Variants in CLSTN2 observed in about 807,000 individuals in gnomAD.
The protein encoded by CLSTN2 is calsyntenin 2, also known as calsyntenin-2.
Under a neutral mutation model 101.2 loss-of-function variants are expected in CLSTN2, and 48 were observed. The observed-to-expected ratio is 0.47, with a 90% confidence interval of 0.38 to 0.60. CLSTN2 has a LOEUF of 0.60. Among genes scored for constraint, CLSTN2 ranks in the 20% least tolerant of loss-of-function variants. The pLI is 0.00. For synonymous variants in CLSTN2, 481 were observed against 463.6 expected, an observed-to-expected ratio of 1.04 and a Z score of -0.48; for missense variants, 1,160 against 1,238.2, an observed-to-expected ratio of 0.94 and a Z score of 0.95.
At chr3:140,180,059 A>AAT (rs2010385227) in intron 2 of CLSTN2, among the ~76,000 whole-genome samples, 1 of 152,218 alleles carries the variant, frequency 6.6e-6, no homozygotes, top group South Asian at 2.1e-4. Flanking sequence ...TCTGTAAAAG[A>AAT]ATATAAGCTT....
At chr3:140,025,591 A>T (rs1576400985) in intron 1 of CLSTN2, among the ~76,000 whole-genome samples, 1 of 152,168 alleles carries the variant, frequency 6.6e-6, no homozygotes, top group East Asian at 1.9e-4. Flanking sequence ...TTGACAGATG[A>T]TGAGGAGGGA....
chr3:140,135,111 CACACACATATATATATATATATATAT>C (rs1411395870), intron 1 of CLSTN2, among the ~76,000 whole-genome samples: 1 of 52,112 alleles, frequency 1.9e-5, no homozygotes, highest in Admixed American at 1.9e-4. Context: ...CACACACACA[CACACACATATATATATATATATATAT>C]ATATATATAT....
At chr3:140,123,186 C>A (rs879391779) in intron 1 of CLSTN2, among the ~76,000 whole-genome samples, 3 of 139,380 alleles carry the variant, frequency 2.2e-5, no homozygotes, top group African/African-American at 5.4e-5. Flanking sequence ...GGGGGCGGGA[C>A]ATGAATGTGG....
At chr3:140,320,617 G>GC (rs1223519963) in intron 2 of CLSTN2, among the ~76,000 whole-genome samples, 3 of 147,946 alleles carry the variant, frequency 2.0e-5, no homozygotes, top group African/African-American at 7.7e-5. Flanking sequence ...TTTGCGGGGG[G>GC]GGGCAGGGGT....
intron 1 of CLSTN2, among the ~76,000 whole-genome samples, chr3:140,054,817 A>T (rs72981896): frequency 6.6e-6 from 1 of 152,152 alleles, no homozygotes; most frequent in Non-Finnish European, 1.5e-5. Context: ...AGGAGAAGGG[A>T]GTTTGGGAGA....
chr3:140,486,318 G>A (rs1454131305), intron 8 of CLSTN2, among the ~76,000 whole-genome samples: 1 of 152,162 alleles, frequency 6.6e-6, no homozygotes. Context: ...AAATATAAAA[G>A]ACTGTCCTTC....
chr3:140,038,616 G>C (rs962598581), intron 1 of CLSTN2, among the ~76,000 whole-genome samples: 2 of 151,852 alleles, frequency 1.3e-5, no homozygotes, highest in African/African-American at 4.8e-5. Context: ...AAATTTTTGA[G>C]ATAAGGCTTC....
At position 140,080,263 on chromosome 3, in the gene CLSTN2, A is replaced by G. The variant is rs545392513; in HGVS notation, c.110-95688A>G. Among the ~76,000 whole-genome samples, 12 of 152,268 alleles carry G rather than the reference A, an allele frequency of 7.9e-5. No individual in the cohort carries two copies. The South Asian group carries it at 2.5e-3, about 32-fold the overall frequency. On this transcript the variant is annotated intron_variant, in intron 1 of 16. Transcript: ENST00000458420. Reference sequence around the variant, plus strand: ...TGGGCCTCCCTCCATCAGCCCACATAACTCATTGCAGTGTGCTTATCTGTT... The same window carrying G: ...TGGGCCTCCCTCCATCAGCCCACATGACTCATTGCAGTGTGCTTATCTGTT...
intron 1 of CLSTN2, among the ~76,000 whole-genome samples, chr3:140,044,879 C>A (rs2007838269): frequency 6.6e-6 from 1 of 152,170 alleles, no homozygotes; most frequent in African/African-American, 2.4e-5. Flanking sequence ...AGGGATGAAG[C>A]CCACTTGATC....
At chr3:140,526,844 T>C (rs1308156787) in intron 8 of CLSTN2, among the ~76,000 whole-genome samples, 5 of 152,010 alleles carry the variant, frequency 3.3e-5, no homozygotes, top group Non-Finnish European at 5.9e-5. Context: ...ATAAGGACAC[T>C]CTATTCAATG....
intron 2 of CLSTN2, among the ~76,000 whole-genome samples, chr3:140,206,567 G>A (rs916967340): frequency 6.6e-6 from 1 of 152,136 alleles, no homozygotes; most frequent in African/African-American, 2.4e-5. Context: ...CCAAACACTG[G>A]GCTCTTATCT....
rs150345060 is a variant in CLSTN2 at position 140,072,912 on chromosome 3, ATTGT to A, written c.110-103035_110-103032del. Among the ~76,000 whole-genome samples, 147 of 152,330 alleles carry A rather than the reference ATTGT, an allele frequency of 9.7e-4. 1 individual carries two copies. Among genetic ancestry groups the A allele is most frequent in the African/African-American group, 3.4e-3 (142 of 41,584 alleles). ...TACCAAGGCACAGACTGCTACGGAG[ATTGT>A]TTGAGTTCCGCTTCTTGCTTATTCT... On this transcript the variant is annotated intron_variant, in intron 1 of 16. Transcript: ENST00000458420.
At chr3:140,385,447 T>A (rs12494858) in intron 2 of CLSTN2, among the ~76,000 whole-genome samples, 1 of 147,212 alleles carries the variant, frequency 6.8e-6, no homozygotes, top group Non-Finnish European at 1.5e-5. Flanking sequence ...CGACTCGCTG[T>A]AAACTCCTCC....
intron 1 of CLSTN2, among the ~76,000 whole-genome samples, chr3:140,132,108 A>G (rs1001333815): frequency 3.3e-5 from 5 of 152,220 alleles, no homozygotes; most frequent in African/African-American, 9.6e-5. Flanking sequence ...CACATGGAGA[A>G]CTGCAATTAT....
chr3:140,117,018 G>A (rs1415634883), intron 1 of CLSTN2, among the ~76,000 whole-genome samples: 1 of 152,120 alleles, frequency 6.6e-6, no homozygotes, highest in Non-Finnish European at 1.5e-5. Context: ...CCTTTCCCCT[G>A]CTCTGCTGTT....
Position 140,566,273 on chromosome 3 carries a change from T to G in CLSTN2, c.*20T>G, listed in dbSNP as rs4683510. 9.0e-6 allele frequency: 14 copies of G among 1,551,378 alleles called. No homozygotes were observed. Among genetic ancestry groups the G allele is most frequent in the Non-Finnish European group, 1.2e-5 (14 of 1,147,596 alleles). The stretch of plus-strand genomic sequence containing the variant: ...TACTAGTGCCCAGGGGTCTGCTGCC[T>G]GGCCCACATGTCCCTTTTGTAAACC... On this transcript the variant is annotated 3_prime_UTR_variant, in exon 17 of 17. Transcript: ENST00000458420.
chr3:140,032,811 C>T (rs921732919), intron 1 of CLSTN2, among the ~76,000 whole-genome samples: 9 of 152,198 alleles, frequency 5.9e-5, no homozygotes, highest in South Asian at 2.1e-4. Flanking sequence ...TCTCATGTCC[C>T]TCAAGTTCTC....
chr3:140,090,503 C>T (rs1014085981), intron 1 of CLSTN2, among the ~76,000 whole-genome samples: 7 of 151,998 alleles, frequency 4.6e-5, no homozygotes, highest in Admixed American at 3.9e-4. Flanking sequence ...AACAAAGGTA[C>T]TATCAATAAT....
At chr3:140,258,869 T>A (rs577456677) in intron 2 of CLSTN2, among the ~76,000 whole-genome samples, 28 of 152,280 alleles carry the variant, frequency 1.8e-4, no homozygotes, top group Non-Finnish European at 2.4e-4. Flanking sequence ...TGTGGAATTA[T>A]CTTTATTTTC....
Sources: gnomAD v4.1 joint callset for allele counts (sites outside exome capture counted in the v4.1 genomes callset) on GRCh38, gnomAD v4.1.1 for gene constraint, MANE v1.5 for transcripts, NCBI Gene and HGNC (gene_info 2026-07-23, HGNC 2026-07-21) for gene names.